The following COPS3 variants were observed in gnomAD, a reference collection of about 807,000 sequenced individuals.
COPS3 encodes COP9 signalosome subunit 3.
In COPS3, 10 loss-of-function variants were observed where a neutral mutation model predicts 58.2. The observed-to-expected ratio is 0.17, with a 90% CI of 0.11 to 0.29. The LOEUF is 0.29. Among genes scored for constraint, COPS3 ranks in the 10% least tolerant of loss-of-function variants. The pLI is 1.00. For missense variants in COPS3, 333 were observed against 510.1 expected, an observed-to-expected ratio of 0.65 and a Z score of 3.34; for synonymous variants, 187 against 181.7, an observed-to-expected ratio of 1.03 and a Z score of -0.24.
At chr17:17,255,927 T>G in intron 8 of COPS3, among the ~76,000 whole-genome samples, 1 of 150,516 alleles carries the variant, frequency 6.6e-6, no homozygotes, top group Admixed American at 6.7e-5. Context: ...CTCAGCACTT[T>G]GGGAGGCCCA....
chr17:17,246,902 T>C lies in COPS3; in HGVS notation c.*196A>G. The C allele has an allele frequency of 3.4e-6, 2 of 592,000 alleles. No individual in the cohort carries two copies. The highest frequency in any genetic ancestry group is 6.1e-6 in the Non-Finnish European group (2 of 328,622). The allele number at this position is 592,000 out of a possible 1,614,324, so 36.7% of individuals were successfully genotyped here. On this transcript the variant is annotated 3_prime_UTR_variant, in exon 12 of 12. Transcript: ENST00000268717. ...GGATAAATAAATCCACGACAGACTT[T>C]AAAGTTTGCAAATCTGTTTCCTTTC...
intron 2 of COPS3, among the ~76,000 whole-genome samples, chr17:17,272,424 A>G (rs1041432943): frequency 7.9e-5 from 12 of 152,174 alleles, no homozygotes; most frequent in African/African-American, 2.9e-4. Context: ...CTCGTCTCAA[A>G]AAAAAAAACT....
chr17:17,249,410 A>T (rs1367756521), intron 9 of COPS3, among the ~76,000 whole-genome samples: 1 of 151,130 alleles, frequency 6.6e-6, no homozygotes, highest in African/African-American at 2.4e-5. Context: ...TGCAACCTCT[A>T]CCTCCGGGGT....
intron 1 of COPS3, chr17:17,280,741 T>A: frequency 2.4e-6 from 3 of 1,244,456 alleles, no homozygotes; most frequent in Non-Finnish European, 3.1e-6. Flanking sequence ...AAGCTGCGGA[T>A]CGGCGGCAAA....
chr17:17,254,906 C>T lies in COPS3; in HGVS notation c.976G>A (p.Val326Met). 6.2e-7 allele frequency: 1 copy of T among 1,612,778 alleles called. No homozygotes were observed. Among genetic ancestry groups the T allele is most frequent in the Non-Finnish European group, 8.5e-7 (1 of 1,179,482 alleles). The change falls in exon 9 of 12, where the codon GTG becomes ATG. Residue 326 changes from valine to methionine, a missense_variant. By Grantham distance (21) the Val-to-Met change is conservative. Transcript: ENST00000268717. ...GCCTCCTGAGGTCCAGACAACTGCA[C>T]ACGACTTGCCATATCTTGTAATGAT... ...TLSLQDMASRVQLSGPQEAEK... is the reference protein window; with the variant it reads ...TLSLQDMASRMQLSGPQEAEK...
At chr17:17,271,171 C>T (rs375714524) in intron 2 of COPS3, among the ~76,000 whole-genome samples, 163 bp from the exon 3 acceptor site, 33 of 151,864 alleles carry the variant, frequency 2.2e-4, no homozygotes, top group African/African-American at 8.0e-4. Flanking sequence ...GGCTCATGCC[C>T]GTAATCCAAG....
intron 8 of COPS3, 126 bp from the exon 9 acceptor site, chr17:17,255,071 G>A: frequency 1.6e-6 from 1 of 618,622 alleles, no homozygotes; most frequent in Non-Finnish European, 2.9e-6. Context: ...GGAGGCTGAG[G>A]TGGGCAGATC....
chr17:17,278,835 A>G (rs928393826), intron 1 of COPS3, among the ~76,000 whole-genome samples: 2 of 151,974 alleles, frequency 1.3e-5, no homozygotes, highest in African/African-American at 4.8e-5. Context: ...GTGCATTTGA[A>G]ATCAGTGTAA....
intron 8 of COPS3, among the ~76,000 whole-genome samples, chr17:17,257,049 T>C (rs1380274266): frequency 6.6e-6 from 1 of 152,070 alleles, no homozygotes; most frequent in African/African-American, 2.4e-5. Context: ...ACCAACACAG[T>C]GGGATCCCAT....
chr17:17,251,009 T>C (rs1191734794), intron 9 of COPS3, among the ~76,000 whole-genome samples: 2 of 152,186 alleles, frequency 1.3e-5, no homozygotes, highest in Non-Finnish European at 2.9e-5. Context: ...ATTTACATTA[T>C]TTGAGACAAG....
intron 5 of COPS3, 61 bp downstream of exon 5, chr17:17,267,824 G>C (rs2048261604): frequency 6.5e-7 from 1 of 1,543,964 alleles, no homozygotes; most frequent in East Asian, 2.3e-5. Flanking sequence ...CCAATGTTGA[G>C]CAAGCCCATA....
At chr17:17,256,169 ACT>A (rs1491361967) in intron 8 of COPS3, among the ~76,000 whole-genome samples, 1 of 151,668 alleles carries the variant, frequency 6.6e-6, no homozygotes. Flanking sequence ...ACTGAGCAAG[ACT>A]CTGTCACAAA....
rs1275989002 is a variant in COPS3, at chr17:17,246,642, A to G, written c.*456T>C. On this transcript the variant is annotated 3_prime_UTR_variant, in exon 12 of 12. Transcript: ENST00000268717. ...GTCTGTCTGGCCTTTCTTTTCTTTT[A>G]TTTTCTGAAGACAATGATTACAACT... Among the ~76,000 whole-genome samples the G allele has an allele frequency of 6.6e-6, 1 of 151,914 alleles. No individual in the cohort carries two copies. Among genetic ancestry groups the G allele is most frequent in the Non-Finnish European group, 1.5e-5 (1 of 67,984 alleles).
intron 10 of COPS3, 36 bp from the exon 11 acceptor site, chr17:17,247,596 G>A (rs1450116961): frequency 5.0e-6 from 8 of 1,602,912 alleles, no homozygotes; most frequent in Non-Finnish European, 6.8e-6. Flanking sequence ...GGTCAGCGGC[G>A]GGTTTAGGTC....
chr17:17,254,984 A>G, intron 8 of COPS3, 39 bp from the exon 9 acceptor site: 1 of 1,402,170 alleles, frequency 7.1e-7, no homozygotes, highest in Non-Finnish European at 1.0e-6. Flanking sequence ...GGTAGGAACA[A>G]CGAAGGAAGG....
intron 9 of COPS3, among the ~76,000 whole-genome samples, chr17:17,251,600 A>G (rs1043862330): frequency 2.0e-5 from 3 of 152,080 alleles, no homozygotes; most frequent in Admixed American, 6.6e-5. Flanking sequence ...CTGTCCAACT[A>G]ATTAAAATGG....
intron 9 of COPS3, among the ~76,000 whole-genome samples, chr17:17,253,516 C>T (rs2047895909): frequency 6.6e-6 from 1 of 152,092 alleles, no homozygotes; most frequent in African/African-American, 2.4e-5. Context: ...AGTGTCAGGG[C>T]ACTGGTGCTA....
intron 8 of COPS3, among the ~76,000 whole-genome samples, chr17:17,258,701 T>A (rs141825483): frequency 2.1e-4 from 32 of 152,192 alleles, no homozygotes; most frequent in African/African-American, 7.2e-4. Flanking sequence ...AAAAGAAAAT[T>A]TTATGGAGAG....
intron 5 of COPS3, among the ~76,000 whole-genome samples, chr17:17,266,297 AG>A (rs1475851639): frequency 6.6e-6 from 1 of 152,248 alleles, no homozygotes; most frequent in Non-Finnish European, 1.5e-5. Flanking sequence ...GAGTATGCAT[AG>A]ATTATTACAA....
Sources: gnomAD v4.1 joint callset for allele counts (sites outside exome capture counted in the v4.1 genomes callset) on GRCh38, gnomAD v4.1.1 for gene constraint, MANE v1.5 for transcripts, NCBI Gene and HGNC (gene_info 2026-07-23, HGNC 2026-07-21) for gene names.